Variants in GJD2 observed in about 807,000 individuals in gnomAD.
The protein encoded by GJD2 is gap junction delta-2 protein.
Under a neutral mutation model 24.3 loss-of-function variants are expected in GJD2, and 12 were observed. The observed-to-expected ratio is 0.49, with a 90% CI of 0.32 to 0.80. The LOEUF (loss-of-function observed/expected upper bound fraction) is 0.80. GJD2 is among the 30% of genes least tolerant of loss of function. The pLI is 0.04. For synonymous variants in GJD2, 171 were observed against 155.2 expected (o/e 1.10, Z -0.76); for missense variants, 268 against 402.4 (o/e 0.67, Z 2.86).
In GJD2 at chr15:34,752,357, A is replaced by C. The variant is rs1891115249; in HGVS notation, c.*121T>G. ...ATTGGTGCAAAATCTTCTTTTATCCAGTCTTATCCTACATCTTAATGGTGA... is the reference window on the plus strand; with the variant it reads ...ATTGGTGCAAAATCTTCTTTTATCCCGTCTTATCCTACATCTTAATGGTGA... On this transcript the variant is annotated 3_prime_UTR_variant, in exon 2 of 2. Coordinates refer to ENST00000290374, the MANE Select transcript of GJD2 (RefSeq NM_020660.3). 1 of 804,954 alleles carries C rather than the reference A, an allele frequency of 1.2e-6. No individual in the cohort carries two copies. The highest frequency in any genetic ancestry group is 2.9e-5 in the Admixed American group (1 of 34,638). 49.9% of individuals were successfully genotyped at this position (804,954 alleles called of 1,614,324 possible).
Position 34,754,528 on chromosome 15 carries a change from ACCGGGCACGTT to A in GJD2, c.-51_-41del. The A allele has an allele frequency of 6.5e-7, 1 of 1,546,148 alleles. No homozygotes were observed. The highest frequency in any genetic ancestry group is 8.9e-7 in the Non-Finnish European group (1 of 1,118,248). On this transcript the variant is annotated 5_prime_UTR_variant, in exon 1 of 2. Coordinates refer to ENST00000290374, the MANE Select transcript of GJD2 (RefSeq NM_020660.3). The surrounding 1 kb of genome is among the most constrained non-coding windows in gnomAD (Gnocchi z 5.9). ...AGGCAGCAGACAAAGACTGGGCAGC[ACCGGGCACGTT>A]CCCGCTCCTGGCCCCTCCCCGGGCC...
In GJD2 at chr15:34,754,353, G is replaced by T. The variant is rs1303527605; in HGVS notation, c.71+65C>A. On this transcript the variant is annotated intron_variant, in intron 1 of 1. Coordinates refer to ENST00000290374, the MANE Select transcript of GJD2 (RefSeq NM_020660.3). This position sits in a 1 kb window ranked among gnomAD's most constrained non-coding sequence, Gnocchi z 5.9. ...GATTGGAGCGGGAGACTCAGTCCAG[G>T]TGTGAGAAGGGACTCCCGGGGGCCG... 9.2e-7 allele frequency: 1 copy of T among 1,081,990 alleles called. No individual in the cohort carries two copies. Among genetic ancestry groups the T allele is most frequent in the Non-Finnish European group, 1.4e-6 (1 of 697,698 alleles). The allele number at this position is 1,081,990 out of a possible 1,614,324, so 67.0% of individuals were successfully genotyped here.
rs1891114155 is a variant in GJD2 at position 34,752,240 on chromosome 15, G to A, written c.*238C>T. ...CCATAAACAGAAAGGGACCAAAGAA[G>A]TCTAATTGATCCATTTCATCACTCT... On this transcript the variant is annotated 3_prime_UTR_variant, in exon 2 of 2. Transcript: ENST00000290374. 1.8e-6 allele frequency: 1 copy of A among 547,560 alleles called. No homozygotes were observed. The highest frequency in any genetic ancestry group is 3.3e-6 in the Non-Finnish European group (1 of 306,302). 33.9% of individuals were successfully genotyped at this position (547,560 alleles called of 1,614,324 possible).
Position 34,754,577 on chromosome 15 carries a change from T to C in GJD2, c.-89A>G. 1 of 1,004,838 alleles carries C rather than the reference T, an allele frequency of 1.0e-6. No homozygotes were observed. The highest frequency in any genetic ancestry group is 1.6e-6 in the Non-Finnish European group (1 of 632,734). The allele number at this position is 1,004,838 out of a possible 1,614,324, so 62.2% of individuals were successfully genotyped here. On this transcript the variant is annotated 5_prime_UTR_variant, in exon 1 of 2. Coordinates refer to ENST00000290374, the MANE Select transcript of GJD2 (RefSeq NM_020660.3). The surrounding 1 kb of genome is among the most constrained non-coding windows in gnomAD (Gnocchi z 5.9). ...CCCTCCCCGGGCCGCACTTCCAGAA[T>C]GGGAGTGAATTGCCTCCCAATTAAA... is the stretch of plus-strand genomic sequence containing the variant.
chr15:34,754,565 G>A lies in GJD2; in HGVS notation c.-77C>T, dbSNP rs1163711489. 8.3e-7 allele frequency: 1 copy of A among 1,198,686 alleles called. No homozygotes were observed. The highest frequency in any genetic ancestry group is 1.2e-6 in the Non-Finnish European group (1 of 804,972). The allele number at this position is 1,198,686 out of a possible 1,614,324, so 74.3% of individuals were successfully genotyped here. A position where few individuals can be genotyped will look rare whatever the true frequency, so the allele number is the denominator to read the frequency against. ...CCCGCTCCTGGCCCCTCCCCGGGCC[G>A]CACTTCCAGAATGGGAGTGAATTGC... On this transcript the variant is annotated 5_prime_UTR_variant, in exon 1 of 2. Coordinates refer to ENST00000290374, the MANE Select transcript of GJD2 (RefSeq NM_020660.3). This position sits in a 1 kb window ranked among gnomAD's most constrained non-coding sequence, Gnocchi z 5.9.
Position 34,752,999 on chromosome 15 carries a change from T to G in GJD2, c.445A>C (p.Ile149Leu). Residue 149 changes from isoleucine to leucine, a missense_variant, in exon 2 of 2, where the codon ATT becomes CTT. Physicochemically the swap from Ile to Leu is conservative, Grantham distance 5 (BLOSUM62 2). Coordinates refer to ENST00000290374, the MANE Select transcript of GJD2 (RefSeq NM_020660.3). ...KREDKKLQNA[I>L]VNGVLQNTEN... is the part of the protein sequence containing the mutation. ...GTGTTCTGCAGCACCCCATTCACAA[T>G]AGCATTTTGCAACTTCTTATCTTCT... The G allele has an allele frequency of 8.1e-6, 13 of 1,614,154 alleles. No individual in the cohort carries two copies. The highest frequency in any genetic ancestry group is 1.1e-5 in the Non-Finnish European group (13 of 1,180,034).
intron 1 of GJD2, among the ~76,000 whole-genome samples, chr15:34,753,914 A>G (rs1189609494): frequency 6.6e-6 from 1 of 152,188 alleles, no homozygotes; most frequent in Non-Finnish European, 1.5e-5. Flanking sequence ...ATATAGATAC[A>G]GACCCAAAAA....
chr15:34,754,536 C>A lies in GJD2; in HGVS notation c.-48G>T. 1 of 1,491,158 alleles carries A rather than the reference C, an allele frequency of 6.7e-7. No homozygotes were observed. Among genetic ancestry groups the A allele is most frequent in the East Asian group, 2.3e-5 (1 of 44,176 alleles). 92.4% of individuals were successfully genotyped at this position (1,491,158 alleles called of 1,614,324 possible). On this transcript the variant is annotated 5_prime_UTR_variant, in exon 1 of 2. Transcript: ENST00000290374. The surrounding 1 kb of genome is among the most constrained non-coding windows in gnomAD (Gnocchi z 5.9). ...GACAAAGACTGGGCAGCACCGGGCA[C>A]GTTCCCGCTCCTGGCCCCTCCCCGG...
Position 34,752,521 on chromosome 15 carries a change from G to A in GJD2, c.923C>T (p.Pro308Leu). 1 of 1,614,112 alleles carries A rather than the reference G, an allele frequency of 6.2e-7. No individual in the cohort carries two copies. The highest frequency in any genetic ancestry group is 8.5e-7 in the Non-Finnish European group (1 of 1,180,004). ...ACTGGACTGAGTCCTGCCAAAATTG[G>A]GAACACTGACCCTTGGCAGGTCCTT... ...RNKDLPRVSVPNFGRTQSSDS... is the reference protein window; with the variant it reads ...RNKDLPRVSVLNFGRTQSSDS... Residue 308 changes from proline (P) to leucine (L), a missense_variant, in exon 2 of 2, where the codon CCC (proline) becomes CTC (leucine). Pro to Leu is a moderately conservative substitution (Grantham distance 98). Transcript: ENST00000290374.
At chr15:34,753,486 G>T in intron 1 of GJD2, 114 bp from the exon 2 acceptor site, 1 of 912,774 alleles carries the variant, frequency 1.1e-6, no homozygotes. Context: ...CTGGGGAGCT[G>T]TCCATCCCGG....
In GJD2 at chr15:34,752,844, A is replaced by G. The variant is rs780032416; in HGVS notation, c.600T>C (p.Ile200=). ...GGGCATTTCGGAACACCACTTGGATAATGTAGAAGCGGGAGATGCCTTCCT... is the reference window on the plus strand; with the variant it reads ...GGGCATTTCGGAACACCACTTGGATGATGTAGAAGCGGGAGATGCCTTCCT... ...RRQEGISRFY[I]IQVVFRNALE... Residue 200 remains isoleucine, a synonymous_variant, in exon 2 of 2, where the codon ATT becomes ATC. Transcript: ENST00000290374. 1.2e-5 allele frequency: 19 copies of G among 1,614,158 alleles called. 1 individual carries two copies. The South Asian group carries it at 2.0e-4, about 17-fold the overall frequency.
chr15:34,752,543 C>T lies in GJD2; in HGVS notation c.901G>A (p.Asp301Asn). Residue 301 changes from aspartate to asparagine, a missense_variant, in exon 2 of 2, where the codon GAC becomes AAC. By Grantham distance (23) the Asp-to-Asn change is conservative. Transcript: ENST00000290374. The part of the protein sequence containing the change: ...RKSIYEIRNK[D>N]LPRVSVPNFG... ...TTGGGAACACTGACCCTTGGCAGGT[C>T]CTTGTTACGAATCTCATAGATTGAC... The T allele has an allele frequency of 6.2e-7, 1 of 1,614,212 alleles. No homozygotes were observed. The highest frequency in any genetic ancestry group is 8.5e-7 in the Non-Finnish European group (1 of 1,180,034).
At position 34,752,105 on chromosome 15, in the gene GJD2, T is replaced by G. The variant is rs912560114; in HGVS notation, c.*373A>C. Reference sequence around the variant, plus strand: ...GATGGGTTGAGATAGGTCACAAATTTTATATCAATGAAGTACTCAACTCAC... The same window carrying G: ...GATGGGTTGAGATAGGTCACAAATTGTATATCAATGAAGTACTCAACTCAC... On this transcript the variant is annotated 3_prime_UTR_variant, in exon 2 of 2. Transcript: ENST00000290374. 3.2e-5 allele frequency: 7 copies of G among 218,616 alleles called. No homozygotes were observed. 13.5% of individuals were successfully genotyped at this position (218,616 alleles called of 1,614,324 possible). A position where few individuals can be genotyped will look rare whatever the true frequency, so the allele number is the denominator to read the frequency against.
At position 34,752,799 on chromosome 15, in the gene GJD2, A is replaced by G; in HGVS notation, c.645T>C (p.Val215=). Residue 215 remains valine, a synonymous_variant, in exon 2 of 2, where the codon GTT becomes GTC. Coordinates refer to ENST00000290374, the MANE Select transcript of GJD2 (RefSeq NM_020660.3). ...FRNALEIGFL[V]GQYFLYGFSV... is the part of the protein sequence containing the mutation. ...TAAAGCCATAGAGAAAATATTGGCC[A>G]ACCAGGAACCCAATTTCCAGGGCAT... 1 of 1,614,188 alleles carries G rather than the reference A, an allele frequency of 6.2e-7. No homozygotes were observed. The highest frequency in any genetic ancestry group is 2.2e-5 in the East Asian group (1 of 44,884).
Position 34,753,215 on chromosome 15 carries a change from G to A in GJD2, c.229C>T (p.Arg77Cys). ...ATTATGATCTGGAAGACCCAGTAACGTATGTGGGAGATGGGGAAGGCGCGG... is the reference window on the plus strand; with the variant it reads ...ATTATGATCTGGAAGACCCAGTAACATATGTGGGAGATGGGGAAGGCGCGG... ...YDRAFPISHIRYWVFQIIMVC... is the reference protein window; with the variant it reads ...YDRAFPISHICYWVFQIIMVC... The change falls in exon 2 of 2, where the codon CGT (arginine) becomes TGT (cysteine). Residue 77 changes from arginine to cysteine, a missense_variant. Around this residue, in one of 3 missense-constraint regions of GJD2, gnomAD observed 66 missense variants for 129.5 expected, o/e 0.51. Transcript: ENST00000290374. The A allele has an allele frequency of 6.2e-7, 1 of 1,614,166 alleles. No homozygotes were observed. Among genetic ancestry groups the A allele is most frequent in the Non-Finnish European group, 8.5e-7 (1 of 1,180,012 alleles).
rs1297468749 is a variant in GJD2 at position 34,754,005 on chromosome 15, A to T, written c.71+413T>A. Among the ~76,000 whole-genome samples, 1 of 152,210 alleles carries T rather than the reference A, an allele frequency of 6.6e-6. No individual in the cohort carries two copies. The highest frequency in any genetic ancestry group is 1.5e-5 in the Non-Finnish European group (1 of 68,026). ...GTAATTATTTGTTGAGAAAAGAGGC[A>T]TCTGCTCTGAAGAGCAAATCCATCT... On this transcript the variant is annotated intron_variant, in intron 1 of 1. Coordinates refer to ENST00000290374, the MANE Select transcript of GJD2 (RefSeq NM_020660.3). This position sits in a 1 kb window ranked among gnomAD's most constrained non-coding sequence, Gnocchi z 5.9.
chr15:34,754,354 T>C lies in GJD2; in HGVS notation c.71+64A>G. ...ATTGGAGCGGGAGACTCAGTCCAGG[T>C]GTGAGAAGGGACTCCCGGGGGCCGC... On this transcript the variant is annotated intron_variant, in intron 1 of 1. Transcript: ENST00000290374. The surrounding 1 kb of genome is among the most constrained non-coding windows in gnomAD (Gnocchi z 5.9). The C allele has an allele frequency of 9.2e-7, 1 of 1,089,268 alleles. No individual in the cohort carries two copies. Among genetic ancestry groups the C allele is most frequent in the Non-Finnish European group, 1.4e-6 (1 of 704,416 alleles). The allele number at this position is 1,089,268 out of a possible 1,614,324, so 67.5% of individuals were successfully genotyped here.
rs61366218 is a variant in GJD2 at position 34,753,409 on chromosome 15, G to A, written c.72-37C>T. The A allele has an allele frequency of 2.0e-3, 3,074 of 1,546,576 alleles. 69 individuals are homozygous for A. The African/African-American group carries it at 0.037, about 19-fold the overall frequency. ...AAGAGGGAGGGAGAGAGGTTCTCAC[G>A]GGCTGCGTCACTGACAGGAAACCCC... On this transcript the variant is annotated intron_variant, in intron 1 of 1. Transcript: ENST00000290374.
At position 34,752,400 on chromosome 15, in the gene GJD2, G is replaced by A. The variant is rs558322044; in HGVS notation, c.*78C>T. The stretch of plus-strand genomic sequence containing the variant: ...AATGGTGAGGGTCACATAAATGAGG[G>A]TGGATACAGCCACGTCTGAGCAGTC... On this transcript the variant is annotated 3_prime_UTR_variant, in exon 2 of 2. Transcript: ENST00000290374. 1.7e-6 allele frequency: 2 copies of A among 1,166,668 alleles called. No homozygotes were observed. The highest frequency in any genetic ancestry group is 3.0e-5 in the African/African-American group (2 of 66,174). 72.3% of individuals were successfully genotyped at this position (1,166,668 alleles called of 1,614,324 possible). A position where few individuals can be genotyped will look rare whatever the true frequency, so the allele number is the denominator to read the frequency against.
Sources: allele counts gnomAD v4.1 joint callset (sites outside exome capture counted in the v4.1 genomes callset), GRCh38; gene constraint gnomAD v4.1.1; regional missense constraint gnomAD v4.1.1; non-coding constraint Gnocchi (gnomAD v3.1); transcripts MANE v1.5; gene names NCBI Gene and HGNC (gene_info 2026-07-23, HGNC 2026-07-21).